Variants in GPC5 observed in about 807,000 individuals in gnomAD.
The protein encoded by GPC5 is glypican 5, also known as glypican-5.
In GPC5, 47 loss-of-function variants were observed where a neutral mutation model predicts 53.9. The ratio of observed to expected loss-of-function variants is 0.87; its 90% CI spans 0.69 to 1.11. The LOEUF is 1.11. Among genes scored for constraint, GPC5 ranks in the 50% most tolerant of loss-of-function variants. GPC5 has a pLI of 0.00. For missense variants in GPC5, 748 were observed against 713.1 expected (o/e 1.05, Z -0.56); for synonymous variants, 286 against 263.3 (o/e 1.09, Z -0.84).
At chr13:91,561,539 G>A (rs1323647230) in intron 2 of GPC5, among the ~76,000 whole-genome samples, 4 of 151,718 alleles carry the variant, frequency 2.6e-5, no homozygotes, top group Admixed American at 1.3e-4. Context: ...GTGGTCACTC[G>A]AGTGCTGGCA....
intron 7 of GPC5, among the ~76,000 whole-genome samples, chr13:92,450,298 G>A (rs889401561): frequency 6.6e-6 from 1 of 152,184 alleles, no homozygotes. Flanking sequence ...GATTGATGCA[G>A]ATTTTGGAAT....
intron 7 of GPC5, among the ~76,000 whole-genome samples, chr13:92,384,125 G>GGT (rs2043772572): frequency 1.2e-5 from 1 of 81,444 alleles, no homozygotes; most frequent in African/African-American, 5.5e-5. Flanking sequence ...TGTTTTTATA[G>GGT]GTTTTTTTTT....
At chr13:91,632,758 A>C (rs1011043785) in intron 2 of GPC5, among the ~76,000 whole-genome samples, 1 of 152,152 alleles carries the variant, frequency 6.6e-6, no homozygotes, top group Admixed American at 6.5e-5. Flanking sequence ...CTTCTAAAAC[A>C]ATCAAAAGCT....
At chr13:91,800,812 T>C (rs2038122467) in intron 5 of GPC5, among the ~76,000 whole-genome samples, 1 of 152,078 alleles carries the variant, frequency 6.6e-6, no homozygotes, top group Non-Finnish European at 1.5e-5. Flanking sequence ...CTATTTAATA[T>C]TTTCAACTTT....
chr13:91,419,842 G>A (rs558142101), intron 1 of GPC5, among the ~76,000 whole-genome samples: 3 of 152,194 alleles, frequency 2.0e-5, no homozygotes, highest in Non-Finnish European at 2.9e-5. Flanking sequence ...TTAGCAGGAT[G>A]TACCTAGTTG....
intron 7 of GPC5, among the ~76,000 whole-genome samples, chr13:92,691,732 A>G (rs139806172): frequency 6.6e-6 from 1 of 151,936 alleles, no homozygotes; most frequent in Non-Finnish European, 1.5e-5. Flanking sequence ...ATTTCCTTTA[A>G]GATCAATTCC....
intron 7 of GPC5, among the ~76,000 whole-genome samples, chr13:92,534,256 G>A (rs1012287811): frequency 1.3e-5 from 2 of 152,034 alleles, no homozygotes. Context: ...CTCCAGCCTG[G>A]GTGACAGAGT....
At chr13:91,488,483 G>A (rs1883741795) in intron 2 of GPC5, among the ~76,000 whole-genome samples, 1 of 152,162 alleles carries the variant, frequency 6.6e-6, no homozygotes, top group African/African-American at 2.4e-5. Context: ...AAATTGTGAA[G>A]ATTTCATGGA....
intron 7 of GPC5, among the ~76,000 whole-genome samples, chr13:92,231,444 G>A (rs948963158): frequency 3.3e-5 from 5 of 151,990 alleles, no homozygotes; most frequent in African/African-American, 9.7e-5. Flanking sequence ...TAATTGTTTG[G>A]AGGACACCTG....
intron 7 of GPC5, among the ~76,000 whole-genome samples, chr13:92,384,077 A>G (rs928806223): frequency 6.6e-6 from 1 of 151,986 alleles, no homozygotes; most frequent in Non-Finnish European, 1.5e-5. Context: ...TCAATTAAAC[A>G]TATACAAAGA....
chr13:92,755,249 A>G (rs1352394536), intron 7 of GPC5, among the ~76,000 whole-genome samples: 2 of 141,168 alleles, frequency 1.4e-5, no homozygotes, highest in Non-Finnish European at 3.1e-5. Flanking sequence ...TAACGAAATG[A>G]AGGCAGAAAT....
At chr13:92,462,283 T>A (rs1003015174) in intron 7 of GPC5, among the ~76,000 whole-genome samples, 1 of 152,032 alleles carries the variant, frequency 6.6e-6, no homozygotes, top group Non-Finnish European at 1.5e-5. Context: ...GTTTGTAACA[T>A]ACAAGGTGAG....
At chr13:91,679,206 T>C in intron 2 of GPC5, among the ~76,000 whole-genome samples, 1 of 152,050 alleles carries the variant, frequency 6.6e-6, no homozygotes, top group East Asian at 1.9e-4. Flanking sequence ...ATACTTTAAG[T>C]TCTGAGGTAC....
chr13:92,118,383 G>A (rs555844761), intron 6 of GPC5, among the ~76,000 whole-genome samples: 33 of 151,928 alleles, frequency 2.2e-4, no homozygotes, highest in African/African-American at 6.8e-4. Flanking sequence ...AAGGGATATC[G>A]GTTTATACTT....
chr13:92,242,947 T>C (rs899347949), intron 7 of GPC5, among the ~76,000 whole-genome samples: 3 of 152,228 alleles, frequency 2.0e-5, no homozygotes, highest in African/African-American at 4.8e-5. Flanking sequence ...TATTCCCAAG[T>C]AATTTAATTA....
At chr13:92,609,726 C>T (rs1375605165) in intron 7 of GPC5, among the ~76,000 whole-genome samples, 2 of 151,966 alleles carry the variant, frequency 1.3e-5, no homozygotes, top group African/African-American at 4.8e-5. Flanking sequence ...TATCAAGACC[C>T]AAGTTGTATT....
At position 91,448,923 on chromosome 13, in the gene GPC5, G is replaced by C; in HGVS notation, c.325+1G>C. ...TCTCGAAATGCGGCTGCTTTTCAAG[G>C]TAAGTGGATCTTGAATTCTGCAACT... On this transcript the variant is annotated splice_donor_variant, in intron 2 of 7. Transcript: ENST00000377067. LOFTEE classifies it high-confidence loss of function. 5 of 1,611,880 alleles carry C rather than the reference G, an allele frequency of 3.1e-6. No individual in the cohort carries two copies. The highest frequency in any genetic ancestry group is 4.2e-6 in the Non-Finnish European group (5 of 1,178,958).
At chr13:92,333,098 C>G (rs973223108) in intron 7 of GPC5, among the ~76,000 whole-genome samples, 6 of 152,038 alleles carry the variant, frequency 3.9e-5, no homozygotes, top group African/African-American at 1.4e-4. Flanking sequence ...GGTTGTAAAC[C>G]TGAAATATAG....
chr13:91,860,525 CTT>C (rs553332919), intron 5 of GPC5, among the ~76,000 whole-genome samples: 8 of 132,190 alleles, frequency 6.1e-5, no homozygotes, highest in East Asian at 2.1e-4. Flanking sequence ...TTCTTTATTT[CTT>C]TTTTTTTTTT....
Sources: gnomAD v4.1 joint callset for allele counts (sites outside exome capture counted in the v4.1 genomes callset) on GRCh38, gnomAD v4.1.1 for gene constraint, MANE v1.5 for transcripts, NCBI Gene and HGNC (gene_info 2026-07-23, HGNC 2026-07-21) for gene names.